MYRFL: variants seen among roughly 807,000 people sequenced by gnomAD.
MYRFL encodes the protein myelin regulatory factor-like protein.
Under a neutral mutation model 109.4 loss-of-function variants are expected in MYRFL, and 88 were observed. The ratio of observed to expected loss-of-function variants is 0.80; its 90% CI spans 0.68 to 0.96. MYRFL has a LOEUF of 0.96. Ranked by LOEUF, MYRFL falls within the 40% of genes least tolerant of loss-of-function variation. The probability of loss-of-function intolerance (pLI) is 0.00; values close to 1 mark genes in which losing one functional copy is unlikely to be tolerated. For missense variants in MYRFL, 957 were observed against 954.9 expected (o/e 1.00, Z -0.03); for synonymous variants, 324 against 320.9 (o/e 1.01, Z -0.10).
chr12:69,951,423 C>CT (rs11310328), intron 19 of MYRFL, among the ~76,000 whole-genome samples: 12,939 of 89,176 alleles, frequency 0.15, 1,398 homozygotes, highest in East Asian at 0.45. Context: ...TCCTAACCTG[C>CT]TTTTTTTTTT....
intron 22 of MYRFL, 60 bp from the exon 23 acceptor site, chr12:69,957,762 T>G: frequency 6.7e-7 from 1 of 1,485,382 alleles, no homozygotes; most frequent in African/African-American, 1.4e-5. Context: ...TCAAGATGTA[T>G]CCTAGTAGAA....
chr12:69,952,988 A>G (rs1956017468), intron 21 of MYRFL, 102 bp downstream of exon 21: 6 of 708,244 alleles, frequency 8.5e-6, no homozygotes, highest in Non-Finnish European at 9.2e-6. Context: ...GATAAAATCA[A>G]TGTGTGCTTA....
At chr12:69,914,738 TGTTCCAGGCAGCCAGC>T in intron 13 of MYRFL, among the ~76,000 whole-genome samples, 1 of 152,340 alleles carries the variant, frequency 6.6e-6, no homozygotes, top group Middle Eastern at 3.4e-3. Context: ...GTAGCATTCC[TGTTCCAGGCAGCCAGC>T]CTCATTCATG....
chr12:69,847,111 G>A (rs1883605494), intron 1 of MYRFL, among the ~76,000 whole-genome samples: 1 of 152,072 alleles, frequency 6.6e-6, no homozygotes, highest in Non-Finnish European at 1.5e-5. Flanking sequence ...ACAGTTCTTT[G>A]GTAATTGTCT....
chr12:69,856,477 C>G (rs918226035), intron 2 of MYRFL, among the ~76,000 whole-genome samples: 12 of 152,042 alleles, frequency 7.9e-5, no homozygotes, highest in African/African-American at 2.7e-4. Flanking sequence ...AAAATATCCA[C>G]ATTTTTAGAG....
chr12:69,870,337 C>G (rs892022188), intron 2 of MYRFL, among the ~76,000 whole-genome samples: 4 of 151,482 alleles, frequency 2.6e-5, no homozygotes, highest in Non-Finnish European at 4.4e-5. Context: ...CTCGGCCTCC[C>G]GAATCTCTTG....
chr12:69,856,772 T>A (rs1345909739), intron 2 of MYRFL, among the ~76,000 whole-genome samples: 1 of 152,024 alleles, frequency 6.6e-6, no homozygotes, highest in Non-Finnish European at 1.5e-5. Flanking sequence ...TTTAGAAAAA[T>A]TTTTAGATAT....
intron 2 of MYRFL, among the ~76,000 whole-genome samples, chr12:69,870,527 T>A (rs1885295089): frequency 6.6e-6 from 1 of 152,158 alleles, no homozygotes; most frequent in African/African-American, 2.4e-5. Flanking sequence ...ATTCTTGACA[T>A]GACGATTGTG....
intron 1 of MYRFL, among the ~76,000 whole-genome samples, chr12:69,839,917 G>A (rs968857473): frequency 7.2e-5 from 11 of 152,130 alleles, no homozygotes; most frequent in Non-Finnish European, 1.2e-4. Context: ...CCTATGCATA[G>A]AGGAACAGGA....
intron 1 of MYRFL, among the ~76,000 whole-genome samples, chr12:69,842,906 C>G (rs1387277119): frequency 6.6e-6 from 1 of 152,200 alleles, no homozygotes; most frequent in South Asian, 2.1e-4. Flanking sequence ...TTTCTTGTCC[C>G]TCTCACTGGA....
rs1278262151 is a variant in MYRFL at position 69,825,371 on chromosome 12, A to G, written c.-147A>G. 2 of 695,038 alleles carry G rather than the reference A, an allele frequency of 2.9e-6. No homozygotes were observed. The highest frequency in any genetic ancestry group is 5.2e-6 in the Non-Finnish European group (2 of 381,648). The allele number at this position is 695,038 out of a possible 1,614,324, so 43.1% of individuals were successfully genotyped here. The stretch of plus-strand genomic sequence containing the variant: ...CAACCATCTTTCTGGGCACAATTTG[A>G]TGGCTGAAGATATGCTTCACTCCAA... On this transcript the variant is annotated 5_prime_UTR_variant, in exon 1 of 25. The change abolishes an upstream ATG in the 5' untranslated region. Transcript: ENST00000552032.
intron 7 of MYRFL, among the ~76,000 whole-genome samples, chr12:69,891,746 T>C (rs1886926527): frequency 6.6e-6 from 1 of 150,714 alleles, no homozygotes; most frequent in Non-Finnish European, 1.5e-5. Flanking sequence ...TCACCCAGGC[T>C]GGAGCACAGC....
At chr12:69,837,982 T>G (rs1394811088) in intron 1 of MYRFL, among the ~76,000 whole-genome samples, 2 of 152,144 alleles carry the variant, frequency 1.3e-5, no homozygotes, top group Non-Finnish European at 1.5e-5. Context: ...AGTCAATAAA[T>G]AAAAAACTCA....
At chr12:69,876,483 A>C (rs765792895) in intron 2 of MYRFL, among the ~76,000 whole-genome samples, 2 of 152,040 alleles carry the variant, frequency 1.3e-5, no homozygotes, top group Non-Finnish European at 2.9e-5. Context: ...GGGAAAAAAA[A>C]ACGAAAAGAG....
chr12:69,891,743 GGCTGGA>G (rs1479788269), intron 7 of MYRFL, among the ~76,000 whole-genome samples: 1 of 141,652 alleles, frequency 7.1e-6, no homozygotes, highest in East Asian at 2.1e-4. Context: ...CTGTCACCCA[GGCTGGA>G]GCACAGCAGC....
In MYRFL at chr12:69,833,508, T is replaced by A. The variant is rs115933127; in HGVS notation, c.46+7945T>A. Among the ~76,000 whole-genome samples the A allele has an allele frequency of 4.3e-3, 648 of 152,314 alleles. 8 individuals carry two copies. Among genetic ancestry groups the A allele is most frequent in the African/African-American group, 0.014 (596 of 41,564 alleles). On this transcript the variant is annotated intron_variant, in intron 1 of 24. Coordinates refer to ENST00000552032, the MANE Select transcript of MYRFL (RefSeq NM_182530.3). ...CTATCATTTAATGAAGGAAAACCACTGCCATTTAATGAATGCTTTACTTTA... is the reference window on the plus strand; with the variant it reads ...CTATCATTTAATGAAGGAAAACCACAGCCATTTAATGAATGCTTTACTTTA...
intron 19 of MYRFL, among the ~76,000 whole-genome samples, chr12:69,947,342 A>G (rs1258490358): frequency 6.6e-6 from 1 of 152,194 alleles, no homozygotes; most frequent in Admixed American, 6.5e-5. Context: ...CAACATTTTT[A>G]TGACATGCTG....
intron 13 of MYRFL, among the ~76,000 whole-genome samples, chr12:69,911,571 G>C (rs575276542): frequency 6.6e-6 from 1 of 152,276 alleles, no homozygotes; most frequent in East Asian, 1.9e-4. Flanking sequence ...CATCATGCCT[G>C]TAGATTAGCT....
intron 1 of MYRFL, among the ~76,000 whole-genome samples, chr12:69,844,207 TC>T: frequency 6.6e-6 from 1 of 152,188 alleles, no homozygotes; most frequent in Non-Finnish European, 1.5e-5. Context: ...ACTGCAGGGA[TC>T]ATCTCTCCTT....
Sources: gnomAD v4.1 joint callset for allele counts (sites outside exome capture counted in the v4.1 genomes callset) on GRCh38, gnomAD v4.1.1 for gene constraint, MANE v1.5 for transcripts, NCBI Gene and HGNC (gene_info 2026-07-23, HGNC 2026-07-21) for gene names.